The following RBFOX1 variants were observed in gnomAD, a reference collection of about 807,000 sequenced individuals.
RBFOX1 encodes RNA binding protein fox-1 homolog 1.
A neutral mutation model predicts 57.7 loss-of-function variants in RBFOX1; 8 were observed. The observed-to-expected ratio is 0.14, with a 90% confidence interval of 0.08 to 0.25. The LOEUF (loss-of-function observed/expected upper bound fraction) is 0.25. RBFOX1 is among the 10% of genes least tolerant of loss of function. The pLI is 1.00. For missense variants in RBFOX1, 611 were observed against 548.5 expected (o/e 1.11, Z -1.14); for synonymous variants, 326 against 222.4 (o/e 1.47, Z -4.15).
intron 3 of RBFOX1, among the ~76,000 whole-genome samples, chr16:6,802,454 A>T (rs1462710929): frequency 2.0e-5 from 3 of 152,160 alleles, no homozygotes; most frequent in African/African-American, 7.2e-5. Context: ...AGGTGGGCAC[A>T]TCACCTGAGG....
At chr16:6,491,781 C>G in intron 2 of RBFOX1, among the ~76,000 whole-genome samples, 1 of 152,130 alleles carries the variant, frequency 6.6e-6, no homozygotes, top group East Asian at 1.9e-4. Context: ...GGCTGCTAAT[C>G]AAATTTGAAG....
intron 1 of RBFOX1, among the ~76,000 whole-genome samples, chr16:6,134,994 C>G (rs1040113469): frequency 2.0e-5 from 3 of 152,258 alleles, no homozygotes; most frequent in African/African-American, 4.8e-5. Flanking sequence ...GTCCGTCCCC[C>G]CTCCCCTGAC....
intron 1 of RBFOX1, chr16:5,366,077 A>G (rs1391679557): frequency 1.1e-5 from 5 of 472,680 alleles, no homozygotes; most frequent in Non-Finnish European, 2.1e-5. Context: ...TTGAAATCAT[A>G]CCACCAGTGC....
intron 4 of RBFOX1, among the ~76,000 whole-genome samples, chr16:7,309,889 C>A (rs138330963): frequency 2.6e-5 from 4 of 152,270 alleles, no homozygotes; most frequent in African/African-American, 9.6e-5. Flanking sequence ...CTGCAGACCC[C>A]TTTTTAATGG....
At chr16:7,344,890 A>C (rs1042878454) in intron 4 of RBFOX1, among the ~76,000 whole-genome samples, 2 of 152,146 alleles carry the variant, frequency 1.3e-5, no homozygotes, top group Non-Finnish European at 2.9e-5. Context: ...ACCGACTCTG[A>C]GCAGAAGGCT....
intron 2 of RBFOX1, among the ~76,000 whole-genome samples, chr16:6,652,646 C>T (rs2098606163): frequency 6.6e-6 from 1 of 152,124 alleles, no homozygotes; most frequent in Non-Finnish European, 1.5e-5. Context: ...TCGTTGAAGT[C>T]ACCTAGTCTG....
intron 3 of RBFOX1, chr16:6,873,750 CCACAAGTGTTAT>C (rs2061352006): frequency 6.6e-6 from 1 of 152,148 alleles, no homozygotes; most frequent in African/African-American, 2.4e-5. Flanking sequence ...AAAATCAGAT[CCACAAGTGTTAT>C]CTTGCTTAAT....
At chr16:7,503,084 G>A (rs1477090480) in intron 4 of RBFOX1, among the ~76,000 whole-genome samples, 2 of 152,100 alleles carry the variant, frequency 1.3e-5, no homozygotes, top group African/African-American at 4.8e-5. Context: ...TCCACTCCTT[G>A]CACTACTTTT....
chr16:7,334,509 C>T (rs780741195), intron 4 of RBFOX1, among the ~76,000 whole-genome samples: 3 of 152,132 alleles, frequency 2.0e-5, no homozygotes, highest in Non-Finnish European at 4.4e-5. Flanking sequence ...ACAGGCAAAT[C>T]GTGGCCTTCA....
chr16:6,953,201 A>G (rs145247118), intron 3 of RBFOX1, among the ~76,000 whole-genome samples: 1 of 152,124 alleles, frequency 6.6e-6, no homozygotes, highest in African/African-American at 2.4e-5. Context: ...TAAGCTGGGT[A>G]TGTGTCCGGT....
At chr16:6,831,782 A>G (rs74009315) in intron 3 of RBFOX1, among the ~76,000 whole-genome samples, 1,927 of 152,270 alleles carry the variant, frequency 0.013, 47 homozygotes, top group African/African-American at 0.043. Flanking sequence ...ATCTTTGGGA[A>G]GGAGGGACAG....
chr16:6,345,698 G>T (rs1204778855), intron 2 of RBFOX1, among the ~76,000 whole-genome samples: 1 of 152,114 alleles, frequency 6.6e-6, no homozygotes, highest in Admixed American at 6.5e-5. Flanking sequence ...TCTAAAAGAG[G>T]GATCAGATGT....
chr16:5,491,325 A>C (rs1464015068), intron 2 of RBFOX1, among the ~76,000 whole-genome samples: 2 of 152,134 alleles, frequency 1.3e-5, no homozygotes, highest in Non-Finnish European at 2.9e-5. Flanking sequence ...CCCAAGCGCC[A>C]CCTGACTATT....
At chr16:7,505,089 C>T (rs2072789424) in intron 4 of RBFOX1, among the ~76,000 whole-genome samples, 1 of 151,376 alleles carries the variant, frequency 6.6e-6, no homozygotes, top group Admixed American at 6.6e-5. Flanking sequence ...TGAGTCAGAA[C>T]ATGTCTCAGT....
intron 1 of RBFOX1, among the ~76,000 whole-genome samples, chr16:5,362,711 C>G (rs1375026418): frequency 6.6e-6 from 1 of 152,072 alleles, no homozygotes; most frequent in East Asian, 1.9e-4. Context: ...CACCCTCTCC[C>G]CTCAGCCCCC....
chr16:6,583,054 T>C (rs944551598), intron 2 of RBFOX1, among the ~76,000 whole-genome samples: 16 of 151,762 alleles, frequency 1.1e-4, no homozygotes, highest in African/African-American at 3.1e-4. Context: ...CACCCTTCTC[T>C]TTGGTGTTCA....
intron 4 of RBFOX1, among the ~76,000 whole-genome samples, chr16:7,407,635 T>C (rs965807644): frequency 2.0e-5 from 3 of 152,162 alleles, no homozygotes; most frequent in Non-Finnish European, 4.4e-5. Context: ...CTGCTTATTA[T>C]AGCAACCAAA....
chr16:7,571,264 A>G (rs1036772104), intron 5 of RBFOX1, among the ~76,000 whole-genome samples: 1 of 152,198 alleles, frequency 6.6e-6, no homozygotes, highest in Admixed American at 6.5e-5. Context: ...GGTCATCACT[A>G]GAAGATGCCA....
At chr16:6,338,637 C>T (rs1243883469) in intron 2 of RBFOX1, among the ~76,000 whole-genome samples, 1 of 152,192 alleles carries the variant, frequency 6.6e-6, no homozygotes, top group East Asian at 1.9e-4. Flanking sequence ...GTTAGAAATC[C>T]ACAACAGTGG....
Sources: allele counts gnomAD v4.1 joint callset (sites outside exome capture counted in the v4.1 genomes callset), GRCh38; gene constraint gnomAD v4.1.1; transcripts MANE v1.5; gene names NCBI Gene and HGNC (gene_info 2026-07-23, HGNC 2026-07-21).